Variants in SPG7 observed in about 807,000 individuals in gnomAD.
The protein encoded by SPG7 is mitochondrial inner membrane m-AAA protease component paraplegin.
Under a neutral mutation model 81.9 loss-of-function variants are expected in SPG7, and 103 were observed. The observed-to-expected ratio is 1.26, with a 90% CI of 1.07 to 1.48. The LOEUF (loss-of-function observed/expected upper bound fraction) is 1.48. Among genes scored for constraint, SPG7 ranks in the 40% most tolerant of loss-of-function variants. The probability of loss-of-function intolerance (pLI) is 0.00; values close to 1 mark genes in which losing one functional copy is unlikely to be tolerated. For missense variants in SPG7, 1,241 were observed against 1,087.3 expected, an observed-to-expected ratio of 1.14 and a Z score of -1.99; for synonymous variants, 534 against 444.2, an observed-to-expected ratio of 1.20 and a Z score of -2.54.
intron 11 of SPG7, chr16:89,547,555 G>A (rs531172065): frequency 2.0e-5 from 5 of 244,720 alleles, no homozygotes; most frequent in East Asian, 2.3e-4. Context: ...TCTCCCAGAC[G>A]CTCTCACCAG....
intron 9 of SPG7, chr16:89,542,115 C>T (rs1015872045): frequency 6.6e-6 from 1 of 152,442 alleles, no homozygotes; most frequent in African/African-American, 2.4e-5. Flanking sequence ...CCGGCGCCGC[C>T]CCCTCTAGGA....
rs1163139964 is a variant in SPG7 at position 89,557,168 on chromosome 16, G to T, written c.*75G>T. On this transcript the variant is annotated 3_prime_UTR_variant, in exon 17 of 17. Transcript: ENST00000645818. ...CTCAGCCACCCTGAGTTGCTTTTCA[G>T]CTGAGGTTTGCACTTCCTCTCGCGG... 11 of 1,131,940 alleles carry T rather than the reference G, an allele frequency of 9.7e-6. No individual in the cohort carries two copies. The highest frequency in any genetic ancestry group is 1.4e-5 in the Non-Finnish European group (11 of 760,884). The allele number at this position is 1,131,940 out of a possible 1,614,324, so 70.1% of individuals were successfully genotyped here. A position where few individuals can be genotyped will look rare whatever the true frequency, so the allele number is the denominator to read the frequency against.
chr16:89,545,487 G>A lies in SPG7; in HGVS notation c.1449+715G>A, dbSNP rs570717058. 2.9e-4 allele frequency: 56 copies of A among 190,990 alleles called. No homozygotes were observed. In the South Asian group the frequency reaches 4.7e-3, roughly 16 times the overall value. 11.8% of individuals were successfully genotyped at this position (190,990 alleles called of 1,614,324 possible). A position where few individuals can be genotyped will look rare whatever the true frequency, so the allele number is the denominator to read the frequency against. On this transcript the variant is annotated intron_variant, in intron 10 of 16. Transcript: ENST00000645818. Reference sequence around the variant, plus strand: ...CTGTTGGGATGGAGAGTGAAGGGCGGAGCAGAAGCCCTTCCCGCTGGGACA... The same window carrying A: ...CTGTTGGGATGGAGAGTGAAGGGCGAAGCAGAAGCCCTTCCCGCTGGGACA...
chr16:89,555,779 A>G (rs2058681843), intron 16 of SPG7: 2 of 398,076 alleles, frequency 5.0e-6, no homozygotes, highest in East Asian at 7.1e-5. Flanking sequence ...GCTGCTTAGA[A>G]CTCAGGAGAG....
intron 9 of SPG7, chr16:89,544,185 C>G (rs1436459768): frequency 3.8e-6 from 1 of 259,780 alleles, no homozygotes; most frequent in Non-Finnish European, 7.6e-6. Context: ...CTTTTAAATT[C>G]TCCGATGACA....
rs375696230 is a variant in SPG7 at position 89,524,071 on chromosome 16, A to T, written c.442A>T (p.Ile148Phe). The T allele has an allele frequency of 1.9e-6, 3 of 1,613,916 alleles. No homozygotes were observed. In the South Asian group the frequency reaches 3.3e-5, roughly 18 times the overall value. ...YRERLRTLLVIAVVMSLLNAL... is the reference protein window; with the variant it reads ...YRERLRTLLVFAVVMSLLNAL... ...AGAGCGGCTGCGCACCTTGCTGGTC[A>T]TCGCGGTTGTCATGAGCCTCCTGAA... is the stretch of plus-strand genomic sequence containing the variant. Residue 148 changes from isoleucine to phenylalanine, a missense_variant, in exon 4 of 17, where the codon ATC (isoleucine) becomes TTC (phenylalanine). Transcript: ENST00000645818.
chr16:89,529,602 C>G, intron 6 of SPG7, 23 bp downstream of exon 6: 2 of 1,512,892 alleles, frequency 1.3e-6, no homozygotes, highest in South Asian at 1.1e-5. Context: ...AATCAGAGCT[C>G]TCTGAACTCT....
chr16:89,525,237 G>A (rs1045574177), intron 4 of SPG7, among the ~76,000 whole-genome samples: 9 of 152,186 alleles, frequency 5.9e-5, no homozygotes, highest in African/African-American at 2.2e-4. Context: ...CAAAGTGCCA[G>A]ATCACAGGCG....
chr16:89,545,110 A>G, intron 10 of SPG7: 1 of 376,628 alleles, frequency 2.7e-6, no homozygotes. Flanking sequence ...AAATCCTTTG[A>G]AACAAAATCC....
At position 89,530,756 on chromosome 16, in the gene SPG7, C is replaced by A. The variant is rs1358613832; in HGVS notation, c.935C>A (p.Ala312Glu). Reference protein sequence around the residue: ...MGKGVSFKDVAGMHEAKLEVR... With the variant: ...MGKGVSFKDVEGMHEAKLEVR... ...AAAGGAGTCAGCTTCAAAGACGTGG[C>A]AGGAATGCACGAAGCCAAACTGGAA... is the stretch of plus-strand genomic sequence containing the variant. The change falls in exon 7 of 17, where the codon GCA becomes GAA. Residue 312 changes from alanine (A) to glutamate (E), a missense_variant. Coordinates refer to ENST00000645818, the MANE Select transcript of SPG7 (RefSeq NM_003119.4). 2 of 1,614,146 alleles carry A rather than the reference C, an allele frequency of 1.2e-6. No homozygotes were observed. Among genetic ancestry groups the A allele is most frequent in the East Asian group, 2.2e-5 (1 of 44,890 alleles).
Position 89,546,727 on chromosome 16 carries a change from C to T in SPG7, c.1519C>T (p.Gln507Ter), listed in dbSNP as rs1482442290. The change falls in exon 11 of 17, where the codon CAG (glutamine) becomes TAG (stop). Residue 507 changes from glutamine (Q) to a stop codon, truncating the protein, a stop_gained. Coordinates refer to ENST00000645818, the MANE Select transcript of SPG7 (RefSeq NM_003119.4). LOFTEE classifies it high-confidence loss of function. ...GACCCAGTCCAGCACCTTTTACTCC[C>T]AGCGTCTGGCAGAGCTGACACCAGG... is the stretch of plus-strand genomic sequence containing the variant. ...KLTQSSTFYS[Q>*]RLAELTPGFS... The T allele has an allele frequency of 9.3e-6, 15 of 1,613,432 alleles. No individual in the cohort carries two copies. The highest frequency in any genetic ancestry group is 4.0e-5 in the African/African-American group (3 of 74,916).
chr16:89,556,330 G>A (rs1378087462), intron 16 of SPG7: 1 of 366,836 alleles, frequency 2.7e-6, no homozygotes, highest in Non-Finnish European at 4.9e-6. Flanking sequence ...CAAAAAATCT[G>A]GAAGAGTTCT....
chr16:89,512,319 C>G (rs953847944), intron 2 of SPG7, among the ~76,000 whole-genome samples: 3 of 151,062 alleles, frequency 2.0e-5, no homozygotes, highest in Non-Finnish European at 3.0e-5. Flanking sequence ...TGCCACTTGT[C>G]TGGAAACCAT....
chr16:89,530,254 C>T (rs2058323427), intron 6 of SPG7: 2 of 329,480 alleles, frequency 6.1e-6, no homozygotes, highest in Middle Eastern at 1.1e-3. Context: ...AAGCGATTCT[C>T]CTGCTTCAGC....
intron 13 of SPG7, chr16:89,551,173 CG>C (rs1567932382): frequency 1.1e-5 from 2 of 182,108 alleles, no homozygotes; most frequent in Non-Finnish European, 2.4e-5. Context: ...GCTCCACCAC[CG>C]GGAGTCCGAG....
chr16:89,508,539 G>A lies in SPG7; in HGVS notation c.122G>A (p.Arg41Gln), dbSNP rs1597597562. 1.3e-6 allele frequency: 2 copies of A among 1,509,758 alleles called. No homozygotes were observed. Among genetic ancestry groups the A allele is most frequent in the East Asian group, 2.7e-5 (1 of 37,708 alleles). 93.5% of individuals were successfully genotyped at this position (1,509,758 alleles called of 1,614,324 possible). A position where few individuals can be genotyped will look rare whatever the true frequency, so the allele number is the denominator to read the frequency against. Residue 41 changes from arginine to glutamine, a missense_variant, in exon 1 of 17, where the codon CGG becomes CAG. Physicochemically the swap from Arg to Gln is conservative, Grantham distance 43. Transcript: ENST00000645818. ...PGFPARPGRG[R>Q]PYMASRPPGD... The stretch of plus-strand genomic sequence containing the variant: ...TTCCCCGCCAGGCCCGGGAGGGGGC[G>A]GCCGTACATGGCCAGCAGGCCTCCG...
intron 16 of SPG7, chr16:89,556,305 T>TAAC (rs10598151): frequency 1.8e-5 from 7 of 386,696 alleles, no homozygotes; most frequent in Non-Finnish European, 3.2e-5. Flanking sequence ...AGCAGGTAAT[T>TAAC]AACAACAACA....
chr16:89,530,148 TG>T (rs542063853), intron 6 of SPG7: 36,194 of 222,658 alleles, frequency 0.16, 3,105 homozygotes, highest in Middle Eastern at 0.23. Context: ...CTTTCTTTTT[TG>T]TGTGTGTGTG....
intron 3 of SPG7, chr16:89,517,317 G>A (rs1414106037): frequency 6.6e-6 from 1 of 151,580 alleles, no homozygotes; most frequent in Non-Finnish European, 1.5e-5. Context: ...CGTTGTCATG[G>A]TTCCTGGAAG....
Sources: gnomAD v4.1 joint callset for allele counts (sites outside exome capture counted in the v4.1 genomes callset) on GRCh38, gnomAD v4.1.1 for gene constraint, MANE v1.5 for transcripts, NCBI Gene and HGNC (gene_info 2026-07-23, HGNC 2026-07-21) for gene names.